The following CAP2 variants were observed in gnomAD, a reference collection of about 807,000 sequenced individuals.
The protein encoded by CAP2 is adenylyl cyclase-associated protein 2.
In CAP2, 24 loss-of-function variants were observed where a neutral mutation model predicts 57.7. The observed-to-expected ratio is 0.42, with a 90% CI of 0.30 to 0.58. CAP2 has a LOEUF of 0.58. CAP2 is among the 20% of genes least tolerant of loss of function. CAP2 has a pLI of 0.22. For missense variants in CAP2, 501 were observed against 590.3 expected (o/e 0.85, Z 1.57); for synonymous variants, 194 against 207.2 (o/e 0.94, Z 0.55).
At chr6:17,511,613 A>G (rs1762153553) in intron 6 of CAP2, among the ~76,000 whole-genome samples, 1 of 151,992 alleles carries the variant, frequency 6.6e-6, no homozygotes, top group Non-Finnish European at 1.5e-5. Context: ...CACCACACCC[A>G]GCTAATTTTT....
At chr6:17,465,376 G>A (rs543413787) in intron 4 of CAP2, among the ~76,000 whole-genome samples, 21 of 152,108 alleles carry the variant, frequency 1.4e-4, no homozygotes, top group African/African-American at 5.1e-4. Context: ...TTGATAAAGG[G>A]GAGGGAAACT....
intron 1 of CAP2, among the ~76,000 whole-genome samples, chr6:17,410,222 C>T (rs1018446387): frequency 2.2e-4 from 34 of 152,204 alleles, no homozygotes; most frequent in African/African-American, 6.5e-4. Context: ...CACATGCTCC[C>T]ACCACATCCC....
chr6:17,420,335 T>G (rs1171611621), intron 1 of CAP2, among the ~76,000 whole-genome samples: 4 of 152,236 alleles, frequency 2.6e-5, no homozygotes, highest in African/African-American at 9.6e-5. Context: ...AATAACCATT[T>G]GTCATATTTT....
intron 4 of CAP2, among the ~76,000 whole-genome samples, chr6:17,474,811 A>G (rs1010459653): frequency 1.1e-4 from 16 of 152,268 alleles, no homozygotes; most frequent in Admixed American, 3.3e-4. Context: ...CTTTTCTGAC[A>G]TATTGTGGTC....
rs1373997259 is a variant in CAP2 at position 17,555,029 on chromosome 6, A to T, written c.1351-1330A>T. Among the ~76,000 whole-genome samples the T allele has an allele frequency of 2.0e-5, 3 of 152,186 alleles. No individual in the cohort carries two copies. In the East Asian group the frequency reaches 5.8e-4, roughly 29 times the overall value. ...AACCCTAGGCTCATTTTTACAATTT[A>T]TCAAAGAGTAGAGAGCTACCTCTGG... is the stretch of plus-strand genomic sequence containing the variant. On this transcript the variant is annotated intron_variant, in intron 12 of 12. Coordinates refer to ENST00000229922, the MANE Select transcript of CAP2 (RefSeq NM_006366.3).
At chr6:17,524,222 T>C (rs549037150) in intron 7 of CAP2, among the ~76,000 whole-genome samples, 1 of 152,352 alleles carries the variant, frequency 6.6e-6, no homozygotes, top group East Asian at 1.9e-4. Context: ...AATTTTCATT[T>C]TAATCTGTGC....
chr6:17,403,377 A>C (rs999996119), intron 1 of CAP2, among the ~76,000 whole-genome samples: 3 of 152,268 alleles, frequency 2.0e-5, no homozygotes, highest in Non-Finnish European at 4.4e-5. Flanking sequence ...TGCGGGGATT[A>C]CTGGCGTGAG....
At chr6:17,512,001 C>T (rs928555474) in intron 6 of CAP2, among the ~76,000 whole-genome samples, 2 of 151,282 alleles carry the variant, frequency 1.3e-5, no homozygotes, top group African/African-American at 2.4e-5. Context: ...TTTGCTAGAA[C>T]GTTCTTCAAG....
intron 4 of CAP2, among the ~76,000 whole-genome samples, chr6:17,482,736 G>T (rs1761323155): frequency 6.6e-6 from 1 of 152,086 alleles, no homozygotes; most frequent in African/African-American, 2.4e-5. Context: ...TTTCCATAGG[G>T]ACACCTAGTC....
intron 3 of CAP2, among the ~76,000 whole-genome samples, chr6:17,444,443 C>G (rs1378847547): frequency 3.9e-5 from 6 of 152,104 alleles, no homozygotes; most frequent in African/African-American, 1.4e-4. Flanking sequence ...TAGAGACCAT[C>G]CTGGCCAACA....
intron 1 of CAP2, 25 bp downstream of exon 1, chr6:17,393,771 G>C (rs1339913707): frequency 6.6e-6 from 1 of 151,482 alleles, no homozygotes; most frequent in Non-Finnish European, 1.5e-5. Context: ...GTCGGGGCCC[G>C]GCGAGGCGGG....
intron 4 of CAP2, among the ~76,000 whole-genome samples, chr6:17,471,830 C>CAAA (rs10546732): frequency 7.4e-6 from 1 of 134,944 alleles, no homozygotes; most frequent in Non-Finnish European, 1.7e-5. Flanking sequence ...GACTCCGTCT[C>CAAA]AAAAAAAAAA....
chr6:17,406,433 G>A (rs1218635479), intron 1 of CAP2, among the ~76,000 whole-genome samples: 4 of 113,500 alleles, frequency 3.5e-5, no homozygotes, highest in East Asian at 2.3e-4. Context: ...TCACTCTGTC[G>A]CCCAGGCTGG....
At chr6:17,530,978 CT>C (rs1762625109) in intron 7 of CAP2, 8 of 1,497,256 alleles carry the variant, frequency 5.3e-6, no homozygotes, top group Admixed American at 3.3e-5. Flanking sequence ...TGGTCTTTTT[CT>C]TCATTCTGCC....
intron 3 of CAP2, among the ~76,000 whole-genome samples, chr6:17,427,071 A>G (rs937120159): frequency 1.3e-4 from 20 of 152,184 alleles, no homozygotes; most frequent in Admixed American, 2.0e-4. Flanking sequence ...AAACAGGGCT[A>G]TTGCTTGAGA....
At chr6:17,465,974 T>C (rs1760854859) in intron 4 of CAP2, among the ~76,000 whole-genome samples, 1 of 152,064 alleles carries the variant, frequency 6.6e-6, no homozygotes, top group Non-Finnish European at 1.5e-5. Context: ...ATTCCTTAGT[T>C]GCAGACTCTG....
At chr6:17,423,097 GT>G (rs909895374) in intron 2 of CAP2, among the ~76,000 whole-genome samples, 2 of 152,100 alleles carry the variant, frequency 1.3e-5, no homozygotes, top group East Asian at 3.9e-4. Context: ...ATCCTGTCAG[GT>G]TTTTTTGGGC....
At chr6:17,514,932 C>T (rs995798735) in intron 7 of CAP2, among the ~76,000 whole-genome samples, 2 of 151,058 alleles carry the variant, frequency 1.3e-5, no homozygotes, top group African/African-American at 2.4e-5. Context: ...AGGCTGGGCA[C>T]GGTGACTGTA....
In CAP2 at chr6:17,513,624, G is replaced by A. The variant is rs377095899; in HGVS notation, c.531-225G>A. On this transcript the variant is annotated intron_variant, in intron 6 of 12. Coordinates refer to ENST00000229922, the MANE Select transcript of CAP2 (RefSeq NM_006366.3). This position sits in a 1 kb window ranked among gnomAD's most constrained non-coding sequence, Gnocchi z 4.3. ...TCTGTGGTACCTCTGCTCCATACCC[G>A]GAGCTCAGGGCATCCGGCCACCTGC... Among the ~76,000 whole-genome samples the A allele has an allele frequency of 7.2e-5, 11 of 152,088 alleles. No homozygotes were observed. Among genetic ancestry groups the A allele is most frequent in the Non-Finnish European group, 1.3e-4 (9 of 67,982 alleles).
Sources: gnomAD v4.1 joint callset for allele counts (sites outside exome capture counted in the v4.1 genomes callset) on GRCh38, gnomAD v4.1.1 for gene constraint, Gnocchi (gnomAD v3.1) non-coding constraint, MANE v1.5 for transcripts, NCBI Gene and HGNC (gene_info 2026-07-23, HGNC 2026-07-21) for gene names.